The following DHODH variants were observed in gnomAD, a reference collection of about 807,000 sequenced individuals.
DHODH encodes dihydroorotate dehydrogenase (quinone), mitochondrial.
A neutral mutation model predicts 39.7 loss-of-function variants in DHODH; 30 were observed. The observed-to-expected ratio is 0.76, with a 90% CI of 0.57 to 1.02. The LOEUF (loss-of-function observed/expected upper bound fraction) is 1.02. Ranked by LOEUF, DHODH falls within the 50% of genes least tolerant of loss-of-function variation. The pLI, the probability that DHODH is intolerant of heterozygous loss-of-function variation, is 0.00. For missense variants in DHODH, 531 were observed against 520.8 expected, an observed-to-expected ratio of 1.02 and a Z score of -0.19; for synonymous variants, 222 against 213.8, an observed-to-expected ratio of 1.04 and a Z score of -0.34.
At chr16:72,013,100 G>C (rs1334266316) in intron 2 of DHODH, among the ~76,000 whole-genome samples, 1 of 152,162 alleles carries the variant, frequency 6.6e-6, no homozygotes, top group African/African-American at 2.4e-5. Flanking sequence ...ACTCTGGTGG[G>C]AAGGGTCACT....
rs1173792251 is a variant in DHODH at position 72,022,487 on chromosome 16, G to A, written c.819+12G>A. 50 of 1,547,024 alleles carry A rather than the reference G, an allele frequency of 3.2e-5. No individual in the cohort carries two copies. The highest frequency in any genetic ancestry group is 4.2e-5 in the Non-Finnish European group (48 of 1,145,234). ...GTGTGGTCAAAGAGGTTTGAGTCGGGGCCTGGGCCCAGGGTGTGCCTCCCA... is the reference window on the plus strand; with the variant it reads ...GTGTGGTCAAAGAGGTTTGAGTCGGAGCCTGGGCCCAGGGTGTGCCTCCCA... On this transcript the variant is annotated intron_variant, in intron 6 of 8. Transcript: ENST00000219240.
intron 8 of DHODH, 133 bp from the exon 9 acceptor site, chr16:72,024,012 G>T: frequency 1.1e-6 from 1 of 943,328 alleles, no homozygotes; most frequent in East Asian, 2.4e-5. Context: ...CTAGGTCTCT[G>T]GGTGAAGAGT....
rs1198090377 is a variant in DHODH at position 72,012,212 on chromosome 16, A to T, written c.184A>T (p.Thr62Ser). 6.2e-7 allele frequency: 1 copy of T among 1,613,670 alleles called. No individual in the cohort carries two copies. The highest frequency in any genetic ancestry group is 8.5e-7 in the Non-Finnish European group (1 of 1,179,954). Residue 62 changes from threonine (T) to serine (S), a missense_variant, in exon 2 of 9, where the codon ACC (threonine) becomes TCC (serine). Coordinates refer to ENST00000219240, the MANE Select transcript of DHODH (RefSeq NM_001361.5). The part of the protein sequence containing the change: ...ESAHRLAVRF[T>S]SLGLLPRARF... ...AGCCCACAGACTGGCTGTTCGCTTC[A>T]CCTCCCTGGGGCTCCTTCCACGGGC...
Position 72,026,118 on chromosome 16 carries a change from C to T in DHODH, c.*1919C>T. On this transcript the variant is annotated 3_prime_UTR_variant, in exon 9 of 9. Transcript: ENST00000219240. ...ATGGGCAAAAGGAACCACATGCTGGCCAGACCCCTGCGGGGTCACTTTCCT... is the reference window on the plus strand; with the variant it reads ...ATGGGCAAAAGGAACCACATGCTGGTCAGACCCCTGCGGGGTCACTTTCCT... 1 of 152,428 alleles carries T rather than the reference C, an allele frequency of 6.6e-6. No individual in the cohort carries two copies. Among genetic ancestry groups the T allele is most frequent in the Non-Finnish European group, 1.5e-5 (1 of 68,080 alleles). 9.4% of individuals were successfully genotyped at this position (152,428 alleles called of 1,614,324 possible).
chr16:72,024,049 C>A, intron 8 of DHODH, 96 bp from the exon 9 acceptor site: 2 of 1,276,430 alleles, frequency 1.6e-6, no homozygotes, highest in Non-Finnish European at 2.3e-6. Flanking sequence ...GTGCCTGGGC[C>A]GGGATGATGC....
intron 3 of DHODH, chr16:72,015,740 C>G: frequency 1.0e-6 from 1 of 985,470 alleles, no homozygotes. Flanking sequence ...TAACATTCAG[C>G]TGCTACAGAT....
chr16:72,012,191 C>A lies in DHODH; in HGVS notation c.163C>A (p.His55Asn). The change falls in exon 2 of 9, where the codon CAC (histidine) becomes AAC (asparagine). Residue 55 changes from histidine (H) to asparagine (N), a missense_variant. His to Asn is a moderately conservative substitution (Grantham distance 68). Transcript: ENST00000219240. The part of the protein sequence containing the change: ...LQGLLDPESA[H>N]RLAVRFTSLG... ...GGGGCTGCTGGACCCGGAGTCAGCC[C>A]ACAGACTGGCTGTTCGCTTCACCTC... 5 of 1,613,980 alleles carry A rather than the reference C, an allele frequency of 3.1e-6. No individual in the cohort carries two copies. The highest frequency in any genetic ancestry group is 4.2e-6 in the Non-Finnish European group (5 of 1,179,864).
intron 8 of DHODH, among the ~76,000 whole-genome samples, 161 bp downstream of exon 8, chr16:72,023,794 A>G (rs1223802375): frequency 6.6e-6 from 1 of 152,210 alleles, no homozygotes; most frequent in African/African-American, 2.4e-5. Context: ...CTTTTGATGA[A>G]GGACAAACAA....
Position 72,024,407 on chromosome 16 carries a change from T to C in DHODH, c.*208T>C, listed in dbSNP as rs929689258. 1.5e-5 allele frequency: 9 copies of C among 614,002 alleles called. No individual in the cohort carries two copies. Among genetic ancestry groups the C allele is most frequent in the Admixed American group, 5.2e-5 (2 of 38,350 alleles). 38.0% of individuals were successfully genotyped at this position (614,002 alleles called of 1,614,324 possible). ...GTCAGACCATAAACTGCATTTTTGA[T>C]TCTTTGTGGATTCAAACCCTAGGAT... is the stretch of plus-strand genomic sequence containing the variant. On this transcript the variant is annotated 3_prime_UTR_variant, in exon 9 of 9. Transcript: ENST00000219240.
intron 2 of DHODH, among the ~76,000 whole-genome samples, chr16:72,012,474 T>C (rs990082171): frequency 6.6e-6 from 1 of 152,220 alleles, no homozygotes; most frequent in Admixed American, 6.5e-5. Flanking sequence ...GGTGTTCTTG[T>C]TTGATCCTCC....
chr16:72,022,022 A>T lies in DHODH; in HGVS notation c.706-340A>T, dbSNP rs1301433414. ...GTGGAAGGATCGCCTGAGCCCAGGG[A>T]GGTGCAGGCTACAGTGAGCCGTGAT... On this transcript the variant is annotated intron_variant, in intron 5 of 8. Transcript: ENST00000219240. Among the ~76,000 whole-genome samples, 3 of 145,206 alleles carry T rather than the reference A, an allele frequency of 2.1e-5. No homozygotes were observed. In the East Asian group the frequency reaches 6.7e-4, roughly 32 times the overall value.
In DHODH at chr16:72,023,264, C is replaced by G; in HGVS notation, c.919C>G (p.Pro307Ala). The G allele has an allele frequency of 6.2e-7, 1 of 1,614,202 alleles. No homozygotes were observed. ...TGAAACAGGAGGGCTGAGTGGGAAG[C>G]CCCTCCGGGATTTATCAACTCAAAC... is the stretch of plus-strand genomic sequence containing the variant. ...RSETGGLSGK[P>A]LRDLSTQTIR... The change falls in exon 7 of 9, where the codon CCC (proline) becomes GCC (alanine). Residue 307 changes from proline to alanine, a missense_variant. Coordinates refer to ENST00000219240, the MANE Select transcript of DHODH (RefSeq NM_001361.5).
intron 2 of DHODH, among the ~76,000 whole-genome samples, chr16:72,012,937 G>A (rs898846617): frequency 2.0e-5 from 3 of 152,188 alleles, no homozygotes; most frequent in East Asian, 1.9e-4. Flanking sequence ...GTGACCTTCC[G>A]GGCTTAGTGC....
chr16:72,014,762 T>G, intron 3 of DHODH, 90 bp downstream of exon 3: 1 of 1,275,282 alleles, frequency 7.8e-7, no homozygotes, highest in East Asian at 2.5e-5. Context: ...TTTTTTTCTC[T>G]CATACAATGT....
At chr16:72,023,761 G>A (rs1253309118) in intron 8 of DHODH, 128 bp downstream of exon 8, 2 of 1,345,146 alleles carry the variant, frequency 1.5e-6, no homozygotes, top group Admixed American at 1.9e-5. Flanking sequence ...ACACTCTGAA[G>A]GGGAGAGAAA....
chr16:72,024,426 C>G lies in DHODH; in HGVS notation c.*227C>G. On this transcript the variant is annotated 3_prime_UTR_variant, in exon 9 of 9. Transcript: ENST00000219240. ...TTTTGATTCTTTGTGGATTCAAACC[C>G]TAGGATCCATCAGTCTTGCAAGGAC... The G allele has an allele frequency of 1.7e-6, 1 of 589,310 alleles. No individual in the cohort carries two copies. 36.5% of individuals were successfully genotyped at this position (589,310 alleles called of 1,614,324 possible).
chr16:72,014,551 G>C lies in DHODH; in HGVS notation c.313G>C (p.Asp105His). ...ATTTGACAAGCATGGGGAAGCCGTG[G>C]ACGGACTTTATAAGATGGGCTTTGG... ...AGFDKHGEAV[D>H]GLYKMGFGFV... The change falls in exon 3 of 9, where the codon GAC becomes CAC. Residue 105 changes from aspartate (D) to histidine (H), a missense_variant. Coordinates refer to ENST00000219240, the MANE Select transcript of DHODH (RefSeq NM_001361.5). 1 of 1,614,222 alleles carries C rather than the reference G, an allele frequency of 6.2e-7. No individual in the cohort carries two copies. Among genetic ancestry groups the C allele is most frequent in the Non-Finnish European group, 8.5e-7 (1 of 1,180,042 alleles).
chr16:72,012,364 G>C, intron 2 of DHODH, 102 bp downstream of exon 2: 1 of 983,740 alleles, frequency 1.0e-6, no homozygotes, highest in Non-Finnish European at 1.6e-6. Flanking sequence ...AGAACCCCAA[G>C]TGAGCAGTGG....
Position 72,022,245 on chromosome 16 carries a change from G to C in DHODH, c.706-117G>C. On this transcript the variant is annotated intron_variant, in intron 5 of 8. Transcript: ENST00000219240. ...GGGCTGGCTTTCCTGAAAAGAAATT[G>C]TTTCTGCTTTAGTTTGATCGCTATT... is the stretch of plus-strand genomic sequence containing the variant. 8 of 755,934 alleles carry C rather than the reference G, an allele frequency of 1.1e-5. 1 individual carries two copies. In the South Asian group the frequency reaches 1.2e-4, roughly 11 times the overall value. 46.8% of individuals were successfully genotyped at this position (755,934 alleles called of 1,614,324 possible).
Sources: gnomAD v4.1 joint callset for allele counts (sites outside exome capture counted in the v4.1 genomes callset) on GRCh38, gnomAD v4.1.1 for gene constraint, MANE v1.5 for transcripts, NCBI Gene and HGNC (gene_info 2026-07-23, HGNC 2026-07-21) for gene names.